CENPC: variants seen among roughly 807,000 people sequenced by gnomAD.
CENPC encodes the protein CENP-C 1.
CENPC carries 63 observed loss-of-function variants against 112.1 expected under a neutral mutation model. The ratio of observed to expected loss-of-function variants is 0.56; its 90% CI spans 0.46 to 0.69. The LOEUF (loss-of-function observed/expected upper bound fraction) is 0.69. Among genes scored for constraint, CENPC ranks in the 30% least tolerant of loss-of-function variants. CENPC has a pLI of 0.00. For missense variants in CENPC, 1,000 were observed against 1,103.8 expected, an observed-to-expected ratio of 0.91 and a Z score of 1.33; for synonymous variants, 333 against 367.6, an observed-to-expected ratio of 0.91 and a Z score of 1.08.
intron 17 of CENPC, among the ~76,000 whole-genome samples, chr4:67,483,349 C>T (rs1180439730): frequency 2.9e-5 from 3 of 104,732 alleles, no homozygotes; most frequent in African/African-American, 1.1e-4. Context: ...GAGACTCTAT[C>T]TCAATGAAAG....
chr4:67,491,075 G>A (rs549851093), intron 16 of CENPC, among the ~76,000 whole-genome samples: 17 of 151,044 alleles, frequency 1.1e-4, no homozygotes, highest in African/African-American at 4.1e-4. Context: ...CTTTGCTAAG[G>A]TGTTAAGATA....
At chr4:67,474,352 A>G (rs1577967915) in intron 18 of CENPC, among the ~76,000 whole-genome samples, 1 of 152,146 alleles carries the variant, frequency 6.6e-6, no homozygotes, top group Admixed American at 6.5e-5. Flanking sequence ...GGCATGAGCC[A>G]CCATGCCCAG....
At chr4:67,536,883 C>T (rs1045092199) in intron 4 of CENPC, among the ~76,000 whole-genome samples, 1 of 151,360 alleles carries the variant, frequency 6.6e-6, no homozygotes, top group Non-Finnish European at 1.5e-5. Flanking sequence ...CAAAATTAAT[C>T]GATGAAAAAG....
intron 2 of CENPC, among the ~76,000 whole-genome samples, chr4:67,541,850 C>T (rs947923043): frequency 6.6e-6 from 1 of 152,150 alleles, no homozygotes; most frequent in Admixed American, 6.6e-5. Context: ...TCCTTCCTGC[C>T]TCCTCTCATT....
intron 4 of CENPC, among the ~76,000 whole-genome samples, chr4:67,532,751 G>GT (rs1472117141): frequency 1.3e-5 from 2 of 151,566 alleles, no homozygotes; most frequent in Non-Finnish European, 2.9e-5. Flanking sequence ...CTGCTGGGGG[G>GT]TAGGGGGAGG....
chr4:67,513,978 G>T, intron 8 of CENPC, 96 bp downstream of exon 8: 1 of 1,203,910 alleles, frequency 8.3e-7, no homozygotes, highest in South Asian at 1.9e-5. Context: ...GTTCATTTAG[G>T]TTTACTTTGC....
chr4:67,533,170 T>C (rs192376531), intron 4 of CENPC, among the ~76,000 whole-genome samples: 210 of 152,324 alleles, frequency 1.4e-3, no homozygotes, highest in Non-Finnish European at 1.9e-3. Context: ...GGGGAGACAA[T>C]TGAATCATCA....
Position 67,471,149 on chromosome 4 carries a change from T to C in CENPC, c.*1456A>G, listed in dbSNP as rs569546096. Reference sequence around the variant, plus strand: ...TTGATCTTAACCTTTGTCCAAATGATTGGCTGACTGCTAAGCTATGCAGAC... The same window carrying C: ...TTGATCTTAACCTTTGTCCAAATGACTGGCTGACTGCTAAGCTATGCAGAC... On this transcript the variant is annotated 3_prime_UTR_variant, in exon 19 of 19. Transcript: ENST00000273853. The C allele has an allele frequency of 3.3e-5, 5 of 152,190 alleles. No homozygotes were observed. Among genetic ancestry groups the C allele is most frequent in the South Asian group, 2.1e-4 (1 of 4,818 alleles). 9.4% of individuals were successfully genotyped at this position (152,190 alleles called of 1,614,324 possible).
At chr4:67,532,811 G>A (rs897682709) in intron 4 of CENPC, among the ~76,000 whole-genome samples, 10 of 152,154 alleles carry the variant, frequency 6.6e-5, no homozygotes, top group Admixed American at 3.9e-4. Flanking sequence ...ACGAGTTAAC[G>A]GGTGCAGCAC....
intron 7 of CENPC, among the ~76,000 whole-genome samples, chr4:67,517,935 T>C (rs750307470): frequency 5.9e-5 from 9 of 152,210 alleles, no homozygotes; most frequent in Admixed American, 1.3e-4. Context: ...ATAAACTTGT[T>C]TTCTTTCAAG....
At chr4:67,522,036 C>T (rs963733370) in intron 5 of CENPC, among the ~76,000 whole-genome samples, 1 of 152,092 alleles carries the variant, frequency 6.6e-6, no homozygotes, top group African/African-American at 2.4e-5. Flanking sequence ...TGTGAATGTA[C>T]TTAATGCTAC....
At chr4:67,492,467 C>T (rs1234872268) in intron 15 of CENPC, among the ~76,000 whole-genome samples, 192 bp from the exon 16 acceptor site, 1 of 152,056 alleles carries the variant, frequency 6.6e-6, no homozygotes, top group Non-Finnish European at 1.5e-5. Flanking sequence ...AATATAAAAG[C>T]AAACACCCTA....
intron 17 of CENPC, among the ~76,000 whole-genome samples, chr4:67,489,693 G>A (rs767598305): frequency 3.9e-5 from 6 of 151,992 alleles, no homozygotes; most frequent in Non-Finnish European, 7.4e-5. Context: ...AAATTCTAAT[G>A]ATTTGTTTGC....
chr4:67,497,544 G>GT (rs1725471315), intron 12 of CENPC, among the ~76,000 whole-genome samples: 3 of 151,944 alleles, frequency 2.0e-5, no homozygotes, highest in Admixed American at 2.0e-4. Flanking sequence ...TTTTGTTTTG[G>GT]TTTTTTGAGA....
At chr4:67,535,953 T>C (rs1250310788) in intron 4 of CENPC, among the ~76,000 whole-genome samples, 1 of 152,134 alleles carries the variant, frequency 6.6e-6, no homozygotes, top group Non-Finnish European at 1.5e-5. Flanking sequence ...TATTTTTTTG[T>C]GGAATTTATG....
chr4:67,497,390 A>T (rs935243620), intron 12 of CENPC, among the ~76,000 whole-genome samples: 1 of 152,270 alleles, frequency 6.6e-6, no homozygotes, highest in South Asian at 2.1e-4. Context: ...AAAAAAATTT[A>T]AAAATAAATA....
chr4:67,519,461 C>T lies in CENPC; in HGVS notation c.373G>A (p.Val125Ile). The change falls in exon 6 of 19, where the codon GTT becomes ATT. Residue 125 changes from valine (V) to isoleucine (I), a missense_variant. Val to Ile is a conservative substitution (Grantham distance 29, BLOSUM62 3). Transcript: ENST00000273853. ...GAGTCAGGTGTATTTTTGGAACTAA[C>T]ATCAGTTGCCAGAATTTTCTGATGA... Reference protein sequence around the residue: ...EVHQKILATDVSSKNTPDSKK... With the variant: ...EVHQKILATDISSKNTPDSKK... 6.3e-7 allele frequency: 1 copy of T among 1,597,204 alleles called. No individual in the cohort carries two copies. The highest frequency in any genetic ancestry group is 8.6e-7 in the Non-Finnish European group (1 of 1,169,228).
At chr4:67,492,074 T>A (rs1322101408) in intron 16 of CENPC, 106 bp downstream of exon 16, 4 of 720,982 alleles carry the variant, frequency 5.5e-6, no homozygotes, top group Non-Finnish European at 6.9e-6. Flanking sequence ...TTAGCACTGA[T>A]AGAATTGGGG....
chr4:67,506,744 G>C, intron 11 of CENPC, 44 bp downstream of exon 11: 1 of 1,427,558 alleles, frequency 7.0e-7, no homozygotes, highest in Non-Finnish European at 9.4e-7. Flanking sequence ...TACAGCAATG[G>C]GTAACTAATA....
Sources: gnomAD v4.1 joint callset for allele counts (sites outside exome capture counted in the v4.1 genomes callset) on GRCh38, gnomAD v4.1.1 for gene constraint, MANE v1.5 for transcripts, NCBI Gene and HGNC (gene_info 2026-07-23, HGNC 2026-07-21) for gene names.